NMNAT1: variants seen among roughly 807,000 people sequenced by gnomAD.
NMNAT1 encodes the protein nicotinamide/nicotinic acid mononucleotide adenylyltransferase 1.
In NMNAT1, 11 loss-of-function variants were observed where a neutral mutation model predicts 16.7. The ratio of observed to expected loss-of-function variants is 0.66; its 90% CI spans 0.41 to 1.09. NMNAT1 has a LOEUF of 1.09. Among genes scored for constraint, NMNAT1 ranks in the 50% least tolerant of loss-of-function variants. The pLI, the probability that NMNAT1 is intolerant of heterozygous loss-of-function variation, is 0.00. For missense variants in NMNAT1, 280 were observed against 332.3 expected, an observed-to-expected ratio of 0.84 and a Z score of 1.22; for synonymous variants, 110 against 119.8, an observed-to-expected ratio of 0.92 and a Z score of 0.53.
chr1:9,975,815 T>C (rs1201813732), intron 3 of NMNAT1, 40 bp downstream of exon 3: 2 of 1,486,260 alleles, frequency 1.3e-6, no homozygotes, highest in South Asian at 1.2e-5. Flanking sequence ...TCTGTGTAAA[T>C]GGCTAAGCGG....
the NMNAT1 span, among the ~76,000 whole-genome samples, chr1:9,993,514 A>G: frequency 2.7e-4 from 41 of 152,154 alleles, no homozygotes; most frequent in African/African-American, 9.6e-4. Context: ...ACAGGACAAT[A>G]CTGAAGGGCT....
In NMNAT1 at chr1:9,982,695, G is replaced by C; in HGVS notation, c.834G>C (p.Lys278Asn). 1 of 1,602,000 alleles carries C rather than the reference G, an allele frequency of 6.2e-7. No homozygotes were observed. The highest frequency in any genetic ancestry group is 1.1e-5 in the South Asian group (1 of 89,494). Residue 278 changes from lysine to asparagine, a missense_variant, in exon 5 of 5, where the codon AAG (lysine) becomes AAC (asparagine). Physicochemically the swap from Lys to Asn is moderately conservative, Grantham distance 94 (BLOSUM62 0). Transcript: ENST00000377205. ...TGCAGAGAAACACTGCAGAAGCTAA[G>C]ACATAGGAATTCTACAGCATGATAT... is the stretch of plus-strand genomic sequence containing the variant. The part of the protein sequence containing the change: ...APLQRNTAEA[K>N]T
chr1:9,980,965 G>A (rs1641934478), intron 3 of NMNAT1, 66 bp from the exon 4 acceptor site: 1 of 1,526,174 alleles, frequency 6.6e-7, no homozygotes, highest in Admixed American at 2.1e-5. Flanking sequence ...TATAAATAAT[G>A]TTAATGATAT....
chr1:9,951,174 C>G (rs1271880071), intron 1 of NMNAT1: 6 of 151,612 alleles, frequency 4.0e-5, no homozygotes, highest in Non-Finnish European at 8.8e-5. Flanking sequence ...TTACTTGCCT[C>G]GAAGGACTGG....
At chr1:9,988,416 C>G (rs906003847), downstream of NMNAT1, among the ~76,000 whole-genome samples, 4 of 151,938 alleles carry the variant, frequency 2.6e-5, no homozygotes, top group Non-Finnish European at 5.9e-5. Flanking sequence ...GAAAGGGTAC[C>G]TTGGCTGGGT....
the NMNAT1 span, among the ~76,000 whole-genome samples, chr1:9,993,851 C>T: frequency 2.0e-5 from 3 of 152,176 alleles, no homozygotes; most frequent in African/African-American, 4.8e-5. Flanking sequence ...AGCTTAGCTG[C>T]GTCAAGTTTC....
chr1:9,980,818 G>A (rs1254883538), intron 3 of NMNAT1, among the ~76,000 whole-genome samples: 10 of 151,364 alleles, frequency 6.6e-5, no homozygotes, highest in Non-Finnish European at 1.2e-4. Context: ...CACCACACCC[G>A]GCTAATTTTT....
intron 1 of NMNAT1, among the ~76,000 whole-genome samples, chr1:9,963,408 A>C (rs1570693441): frequency 6.7e-6 from 1 of 148,350 alleles, no homozygotes; most frequent in Admixed American, 6.8e-5. Context: ...TTAACCCACT[A>C]TTTCTTTTTT....
At chr1:9,960,156 G>A (rs957058513) in intron 1 of NMNAT1, among the ~76,000 whole-genome samples, 1 of 152,124 alleles carries the variant, frequency 6.6e-6, no homozygotes, top group Admixed American at 6.6e-5. Context: ...GTGATGGCGT[G>A]TGCTTGTAGT....
intron 1 of NMNAT1, among the ~76,000 whole-genome samples, chr1:9,965,677 A>G (rs1348618933): frequency 6.6e-6 from 1 of 152,114 alleles, no homozygotes; most frequent in African/African-American, 2.4e-5. Flanking sequence ...TGCTGGGATT[A>G]CAGGTGTGAG....
intron 1 of NMNAT1, among the ~76,000 whole-genome samples, chr1:9,943,849 C>T (rs1214987213): frequency 1.3e-5 from 2 of 152,168 alleles, no homozygotes. Flanking sequence ...ACTTCCCTTT[C>T]CTCCTAAATC....
At chr1:9,993,045 T>G in the NMNAT1 span, among the ~76,000 whole-genome samples, 2 of 152,026 alleles carry the variant, frequency 1.3e-5, no homozygotes, top group African/African-American at 4.8e-5. Flanking sequence ...ACCAAGACTC[T>G]GAAGGAAAGG....
rs567995114 is a variant in NMNAT1, at chr1:9,980,740, T to C, written c.300-291T>C. ...GGTGCGGTCTTGGCTCACTGCAACC[T>C]CTGCCTCCCAGGTTCAAGTGATTCT... On this transcript the variant is annotated intron_variant, in intron 3 of 4. Coordinates refer to ENST00000377205, the MANE Select transcript of NMNAT1 (RefSeq NM_022787.4). 5.3e-4 allele frequency among the ~76,000 whole-genome samples: 81 copies of C among 151,934 alleles called. 1 individual carries two copies. The South Asian group carries it at 0.016, about 31-fold the overall frequency.
intron 3 of NMNAT1, among the ~76,000 whole-genome samples, chr1:9,980,600 G>A (rs771300910): frequency 1.2e-4 from 18 of 151,846 alleles, no homozygotes; most frequent in Middle Eastern, 3.4e-3. Context: ...CAGCCTGGGC[G>A]TCAGAGCAAG....
Position 9,982,121 on chromosome 1 carries a change from C to T in NMNAT1, c.440-180C>T, listed in dbSNP as rs566162664. On this transcript the variant is annotated intron_variant, in intron 4 of 4. Transcript: ENST00000377205. ...CAAGTGATCTACCCGCCTCGGCCTCCCAGAGTGCTGGGATTACAGGCTAGA... is the reference window on the plus strand; with the variant it reads ...CAAGTGATCTACCCGCCTCGGCCTCTCAGAGTGCTGGGATTACAGGCTAGA... Among the ~76,000 whole-genome samples the T allele has an allele frequency of 1.8e-4, 27 of 152,340 alleles. No individual in the cohort carries two copies. In the East Asian group the frequency reaches 2.7e-3, roughly 15 times the overall value.
At chr1:9,979,582 C>CTT in intron 3 of NMNAT1, among the ~76,000 whole-genome samples, 1 of 152,076 alleles carries the variant, frequency 6.6e-6, no homozygotes, top group African/African-American at 2.4e-5. Flanking sequence ...GGGCAGATCA[C>CTT]AAGGTCAGGA....
At chr1:9,982,267 A>G in intron 4 of NMNAT1, 34 bp from the exon 5 acceptor site, 1 of 1,560,332 alleles carries the variant, frequency 6.4e-7, no homozygotes, top group Non-Finnish European at 8.7e-7. Flanking sequence ...GGGAAGAAAA[A>G]GCATACCCCA....
At chr1:9,968,764 CTG>C (rs1252603375) in intron 1 of NMNAT1, among the ~76,000 whole-genome samples, 1 of 100,906 alleles carries the variant, frequency 9.9e-6, no homozygotes, top group Non-Finnish European at 2.2e-5. Flanking sequence ...GGGCGAGACT[CTG>C]TCTCAAAAAA....
Position 9,985,160 on chromosome 1 carries a change from C to A in NMNAT1, c.*2459C>A, listed in dbSNP as rs1129984. Reference sequence around the variant, plus strand: ...GGCCTATGATCTAAACATTTCACCACGGCATCCACTCAGCTGTGAGGCTGC... The same window carrying A: ...GGCCTATGATCTAAACATTTCACCAAGGCATCCACTCAGCTGTGAGGCTGC... On this transcript the variant is annotated 3_prime_UTR_variant, in exon 5 of 5. Transcript: ENST00000377205. 3 of 152,142 alleles carry A rather than the reference C, an allele frequency of 2.0e-5. No homozygotes were observed. The highest frequency in any genetic ancestry group is 4.4e-5 in the Non-Finnish European group (3 of 68,050). The allele number at this position is 152,142 out of a possible 1,614,324, so 9.4% of individuals were successfully genotyped here.
Sources: allele counts gnomAD v4.1 joint callset (sites outside exome capture counted in the v4.1 genomes callset), GRCh38; gene constraint gnomAD v4.1.1; transcripts MANE v1.5; gene names NCBI Gene and HGNC (gene_info 2026-07-23, HGNC 2026-07-21).